LAMA1: variants seen among roughly 807,000 people sequenced by gnomAD.
LAMA1 encodes the protein laminin subunit alpha-1.
A neutral mutation model predicts 348.7 loss-of-function variants in LAMA1; 219 were observed. The observed-to-expected ratio is 0.63, with a 90% CI of 0.56 to 0.70. The LOEUF (loss-of-function observed/expected upper bound fraction) is 0.70. Among genes scored for constraint, LAMA1 ranks in the 30% least tolerant of loss-of-function variants. LAMA1 has a pLI of 0.00. For missense variants in LAMA1, 3,744 were observed against 3,888.0 expected (o/e 0.96, Z 0.99); for synonymous variants, 1,487 against 1,491.0 (o/e 1.00, Z 0.06).
At chr18:6,973,034 C>T in intron 47 of LAMA1, 23 bp downstream of exon 47, 1 of 1,613,668 alleles carries the variant, frequency 6.2e-7, no homozygotes, top group East Asian at 2.2e-5. Context: ...CAGTCCTGTT[C>T]AGAAGAACTT....
intron 3 of LAMA1, among the ~76,000 whole-genome samples, chr18:7,052,764 C>T (rs551838169): frequency 6.6e-6 from 1 of 150,700 alleles, no homozygotes. Flanking sequence ...TGGCTCACGC[C>T]TGTAATCCCA....
At position 7,036,996 on chromosome 18, in the gene LAMA1, A is replaced by G. The variant is rs2057998225; in HGVS notation, c.1737+582T>C. Among the ~76,000 whole-genome samples the G allele has an allele frequency of 2.6e-5, 4 of 152,230 alleles. No homozygotes were observed. In the South Asian group the frequency reaches 8.3e-4, roughly 31 times the overall value. On this transcript the variant is annotated intron_variant, in intron 12 of 62. Coordinates refer to ENST00000389658, the MANE Select transcript of LAMA1 (RefSeq NM_005559.4). ...GGGGGGAATGGGAACACATCATTGCAAGGAAGGCCCAAGCCTACAAACCAA... is the reference window on the plus strand; with the variant it reads ...GGGGGGAATGGGAACACATCATTGCGAGGAAGGCCCAAGCCTACAAACCAA...
intron 29 of LAMA1, among the ~76,000 whole-genome samples, chr18:7,002,755 AC>A (rs1265011493): frequency 6.6e-6 from 1 of 152,228 alleles, no homozygotes; most frequent in African/African-American, 2.4e-5. Context: ...TTCAACAACC[AC>A]ATGTAAGGAG....
In LAMA1 at chr18:7,012,145, G is replaced by C. The variant is rs2057863616; in HGVS notation, c.3364-7C>G. On this transcript the variant is annotated splice_polypyrimidine_tract_variant and splice_region_variant and intron_variant, in intron 23 of 62. Coordinates refer to ENST00000389658, the MANE Select transcript of LAMA1 (RefSeq NM_005559.4). ...GAGGACCAAAGACATTTTCCTACAG[G>C]GGAGCAAATAAAGGACTCGTTTTTG... The C allele has an allele frequency of 6.2e-7, 1 of 1,613,724 alleles. No individual in the cohort carries two copies.
At chr18:7,098,039 C>G (rs569791244) in intron 1 of LAMA1, among the ~76,000 whole-genome samples, 1 of 150,594 alleles carries the variant, frequency 6.6e-6, no homozygotes, top group African/African-American at 2.4e-5. Flanking sequence ...TTGGTGGAGA[C>G]GGGGTTTCGC....
At chr18:6,973,709 T>C (rs2057668833) in intron 46 of LAMA1, among the ~76,000 whole-genome samples, 1 of 152,206 alleles carries the variant, frequency 6.6e-6, no homozygotes, top group African/African-American at 2.4e-5. Context: ...ATGCCACACC[T>C]TACACCTCTC....
intron 56 of LAMA1, chr18:6,956,214 T>G (rs2057576588): frequency 5.9e-6 from 2 of 341,426 alleles, no homozygotes; most frequent in African/African-American, 4.3e-5. Context: ...TAGCAATGGC[T>G]GCCATTCAAA....
chr18:6,965,375 C>T lies in LAMA1; in HGVS notation c.7108G>A (p.Gly2370Ser), dbSNP rs759536001. The change falls in exon 50 of 63, where the codon GGT (glycine) becomes AGT (serine). Residue 2370 changes from glycine (G) to serine (S), a missense_variant. By Grantham distance (56) the Gly-to-Ser change is moderately conservative. Transcript: ENST00000389658. ...GTCAAAAGGGTAATGGGTCCTGAAC[C>T]CAGGTCAGTCATAACCTTCACTCTG... ...RGRVKVMTDL[G>S]SGPITLLTDR... 6.2e-7 allele frequency: 1 copy of T among 1,614,140 alleles called. No homozygotes were observed. Among genetic ancestry groups the T allele is most frequent in the South Asian group, 1.1e-5 (1 of 91,078 alleles).
intron 3 of LAMA1, among the ~76,000 whole-genome samples, chr18:7,058,757 A>C (rs2058091884): frequency 6.6e-6 from 1 of 152,218 alleles, no homozygotes; most frequent in Non-Finnish European, 1.5e-5. Flanking sequence ...TCTCTTGCTT[A>C]AGCTGTCCAG....
In LAMA1 at chr18:7,086,381, C is replaced by T. The variant is rs75540553; in HGVS notation, c.62-5924G>A. On this transcript the variant is annotated intron_variant, in intron 1 of 62. Coordinates refer to ENST00000389658, the MANE Select transcript of LAMA1 (RefSeq NM_005559.4). The stretch of plus-strand genomic sequence containing the variant: ...GAACAGATACAACGTCTTTCACTGA[C>T]TCCTCTCCATGCTCTTTAGATCCAT... Among the ~76,000 whole-genome samples, 1,486 of 152,326 alleles carry T rather than the reference C, an allele frequency of 9.8e-3. 23 individuals are homozygous for T. Among genetic ancestry groups the T allele is most frequent in the African/African-American group, 0.034 (1,422 of 41,574 alleles).
intron 1 of LAMA1, among the ~76,000 whole-genome samples, chr18:7,104,651 A>T (rs1358263740): frequency 6.6e-6 from 1 of 152,246 alleles, no homozygotes; most frequent in Non-Finnish European, 1.5e-5. Context: ...ACAGGGCCTT[A>T]GAAGTCCCAC....
At chr18:6,950,530 G>C (rs2057541680) in intron 58 of LAMA1, among the ~76,000 whole-genome samples, 1 of 152,194 alleles carries the variant, frequency 6.6e-6, no homozygotes, top group South Asian at 2.1e-4. Flanking sequence ...AACATGTCTA[G>C]TACCTTTTGT....
chr18:7,028,031 T>A, intron 16 of LAMA1, among the ~76,000 whole-genome samples: 1 of 152,112 alleles, frequency 6.6e-6, no homozygotes, highest in East Asian at 1.9e-4. Context: ...AGATATAAAG[T>A]AGGACCAAGT....
intron 1 of LAMA1, among the ~76,000 whole-genome samples, chr18:7,096,951 G>A (rs867501563): frequency 6.6e-6 from 1 of 152,300 alleles, no homozygotes; most frequent in East Asian, 1.9e-4. Flanking sequence ...CCCGTCGGCA[G>A]GGGAGTTTCC....
At chr18:7,049,937 G>A (rs943885207) in intron 4 of LAMA1, among the ~76,000 whole-genome samples, 2 of 152,150 alleles carry the variant, frequency 1.3e-5, no homozygotes, top group Non-Finnish European at 2.9e-5. Flanking sequence ...CAAAGACTAC[G>A]GCATTCATCA....
chr18:6,997,272 C>T (rs1206715418), intron 33 of LAMA1, among the ~76,000 whole-genome samples: 2 of 152,144 alleles, frequency 1.3e-5, no homozygotes, highest in African/African-American at 4.8e-5. Flanking sequence ...CCACGTTGGC[C>T]AGGATGGTCT....
chr18:6,988,830 AT>A (rs1241816223), intron 36 of LAMA1, among the ~76,000 whole-genome samples: 2 of 150,654 alleles, frequency 1.3e-5, no homozygotes, highest in Non-Finnish European at 3.0e-5. Flanking sequence ...AAAAAAAAAA[AT>A]CTTTTAATAG....
chr18:7,019,813 C>T (rs1471996627), intron 19 of LAMA1, among the ~76,000 whole-genome samples: 1 of 151,260 alleles, frequency 6.6e-6, no homozygotes, highest in African/African-American at 2.4e-5. Context: ...TCCCAAGTAG[C>T]TAGGATTACA....
At chr18:7,059,228 A>G (rs936687557) in intron 3 of LAMA1, among the ~76,000 whole-genome samples, 3 of 152,152 alleles carry the variant, frequency 2.0e-5, no homozygotes, top group African/African-American at 7.2e-5. Flanking sequence ...AATAAAGTCC[A>G]CAATATTTCT....
Sources: gnomAD v4.1 joint callset for allele counts (sites outside exome capture counted in the v4.1 genomes callset) on GRCh38, gnomAD v4.1.1 for gene constraint, MANE v1.5 for transcripts, NCBI Gene and HGNC (gene_info 2026-07-23, HGNC 2026-07-21) for gene names.